Variants in CTNS observed in about 807,000 individuals in gnomAD.
CTNS encodes cystinosin, lysosomal cystine transporter.
CTNS carries 27 observed loss-of-function variants against 43.7 expected under a neutral mutation model. That is an observed-to-expected ratio of 0.62 (90% CI 0.46 to 0.85). CTNS has a LOEUF of 0.85. Ranked by LOEUF, CTNS falls within the 40% of genes least tolerant of loss-of-function variation. The pLI is 0.00. For synonymous variants in CTNS, 187 were observed against 190.6 expected, an observed-to-expected ratio of 0.98 and a Z score of 0.16; for missense variants, 457 against 475.4, an observed-to-expected ratio of 0.96 and a Z score of 0.36.
At chr17:3,656,945 G>A (rs1374854705) in intron 9 of CTNS, 150 bp downstream of exon 9, 10 of 1,293,112 alleles carry the variant, frequency 7.7e-6, no homozygotes, top group East Asian at 2.5e-5. Flanking sequence ...ACACCCATGA[G>A]TCCAGGCCCT....
At position 3,639,265 on chromosome 17, in the gene CTNS, A is replaced by C. The variant is rs1029188999; in HGVS notation, c.-19-923A>C. ...CCTGCTGTGTCTTGGGTTTACAGGA[A>C]TGCAGCTCCCCATCTTCCACACTAA... On this transcript the variant is annotated intron_variant, in intron 2 of 11. Coordinates refer to ENST00000046640, the MANE Select transcript of CTNS (RefSeq NM_004937.3). Among the ~76,000 whole-genome samples the C allele has an allele frequency of 2.0e-5, 3 of 152,138 alleles. No individual in the cohort carries two copies. In the South Asian group the frequency reaches 6.2e-4, roughly 32 times the overall value.
intron 3 of CTNS, among the ~76,000 whole-genome samples, chr17:3,641,357 T>TAC (rs1376663979): frequency 4.2e-5 from 1 of 23,570 alleles, no homozygotes; most frequent in African/African-American, 1.6e-4. Flanking sequence ...AAAAATCAGA[T>TAC]ACATATATAT....
At chr17:3,643,540 G>A (rs567330152) in intron 3 of CTNS, among the ~76,000 whole-genome samples, 22 of 152,142 alleles carry the variant, frequency 1.4e-4, no homozygotes, top group Non-Finnish European at 1.0e-4. Flanking sequence ...ACCAGCGTGA[G>A]CGACATAGTG....
At position 3,662,106 on chromosome 17, in the gene CTNS, T is replaced by A. The variant is rs2076286045; in HGVS notation, c.*1737T>A. ...CAGATGGATCACCTGACATCAGGAG[T>A]TCGAGACCAGCCTAGCCAACATTGC... is the stretch of plus-strand genomic sequence containing the variant. On this transcript the variant is annotated 3_prime_UTR_variant, in exon 12 of 12. Transcript: ENST00000046640. 6.6e-6 allele frequency among the ~76,000 whole-genome samples: 1 copy of A among 151,734 alleles called. No individual in the cohort carries two copies. The highest frequency in any genetic ancestry group is 1.5e-5 in the Non-Finnish European group (1 of 67,934).
chr17:3,655,186 C>A (rs1401330464), intron 6 of CTNS, 35 bp from the exon 7 acceptor site: 1 of 1,613,982 alleles, frequency 6.2e-7, no homozygotes, highest in Non-Finnish European at 8.5e-7. Context: ...AGAAGCCCAG[C>A]CTCAGCTCAT....
At chr17:3,651,033 C>T (rs2075969230) in intron 5 of CTNS, among the ~76,000 whole-genome samples, 1 of 151,676 alleles carries the variant, frequency 6.6e-6, no homozygotes. Flanking sequence ...GAACTCCTGA[C>T]CTGAGGTGAT....
intron 7 of CTNS, 170 bp downstream of exon 7, chr17:3,655,522 C>A: frequency 1.1e-6 from 1 of 923,326 alleles, no homozygotes; most frequent in Non-Finnish European, 1.6e-6. Flanking sequence ...GTCGGATTCC[C>A]GTGCTGGGCG....
intron 3 of CTNS, 42 bp downstream of exon 3, chr17:3,640,309 T>G: frequency 6.3e-7 from 1 of 1,574,820 alleles, no homozygotes; most frequent in Non-Finnish European, 8.7e-7. Context: ...AAGAGGGAAA[T>G]GGTGGCTAGA....
At chr17:3,647,956 C>T (rs2075884231) in intron 4 of CTNS, among the ~76,000 whole-genome samples, 1 of 152,212 alleles carries the variant, frequency 6.6e-6, no homozygotes, top group African/African-American at 2.4e-5. Flanking sequence ...GAATGCCGCT[C>T]ATGCTGGGCC....
chr17:3,654,943 C>A, intron 5 of CTNS, 55 bp from the exon 6 acceptor site: 2 of 1,263,364 alleles, frequency 1.6e-6, no homozygotes, highest in Non-Finnish European at 2.3e-6. Flanking sequence ...TAGATGCCAG[C>A]GGGGTCCTCG....
At chr17:3,650,206 T>A in intron 5 of CTNS, 1 of 1,550,484 alleles carries the variant, frequency 6.4e-7, no homozygotes, top group Non-Finnish European at 8.7e-7. Flanking sequence ...AATGCAGGGA[T>A]GAGATCAGTA....
intron 10 of CTNS, 40 bp from the exon 11 acceptor site, chr17:3,659,818 C>A (rs1453122294): frequency 6.6e-7 from 1 of 1,518,580 alleles, no homozygotes; most frequent in Non-Finnish European, 9.1e-7. Flanking sequence ...CCGCCCAGCC[C>A]TCACCGCCCT....
intron 5 of CTNS, 95 bp from the exon 6 acceptor site, chr17:3,654,903 C>G: frequency 1.1e-6 from 1 of 896,620 alleles, no homozygotes. Context: ...GGTGGTGCGT[C>G]CCTCCGTTCC....
rs764961967 is a variant in CTNS at position 3,650,023 on chromosome 17, C to T, written c.225+1092C>T. 1.7e-3 allele frequency: 2,139 copies of T among 1,244,344 alleles called. 3 individuals are homozygous for T. Among genetic ancestry groups the T allele is most frequent in the Non-Finnish European group, 2.2e-3 (2,015 of 911,226 alleles). 77.1% of individuals were successfully genotyped at this position (1,244,344 alleles called of 1,614,324 possible). A position where few individuals can be genotyped will look rare whatever the true frequency, so the allele number is the denominator to read the frequency against. On this transcript the variant is annotated intron_variant, in intron 5 of 11. Transcript: ENST00000046640. ...ACCTATAGTCCTAGCTACTCACGTT[C>T]GTAACAACAACAAAAAAAAGATAAG...
intron 5 of CTNS, chr17:3,650,166 T>C (rs1294403382): frequency 6.5e-7 from 1 of 1,550,024 alleles, no homozygotes; most frequent in East Asian, 2.4e-5. Context: ...AATGATACCT[T>C]AATAAAGCTG....
At position 3,656,589 on chromosome 17, in the gene CTNS, A is replaced by G. The variant is rs778640058; in HGVS notation, c.561+3A>G. The G allele has an allele frequency of 6.2e-6, 10 of 1,611,298 alleles. No homozygotes were observed. In the East Asian group the frequency reaches 2.2e-4, roughly 36 times the overall value. ...TCCTCTGGGTGCCCTACATCAAGGTACGGCCTTGCCTGCCCTACATCTCTG... is the reference window on the plus strand; with the variant it reads ...TCCTCTGGGTGCCCTACATCAAGGTGCGGCCTTGCCTGCCCTACATCTCTG... On this transcript the variant is annotated splice_donor_region_variant and intron_variant, in intron 8 of 11. Transcript: ENST00000046640.
chr17:3,660,484 CG>C lies in CTNS; in HGVS notation c.*117del, dbSNP rs1376130274. 7 of 1,612,524 alleles carry C rather than the reference CG, an allele frequency of 4.3e-6. No individual in the cohort carries two copies. Among genetic ancestry groups the C allele is most frequent in the Non-Finnish European group, 5.9e-6 (7 of 1,179,974 alleles). ...TGGCACACAGGGCTGGCTCAGTGTGCGGACAGAGGAGACCACTCTGCTCCTG... is the reference window on the plus strand; with the variant it reads ...TGGCACACAGGGCTGGCTCAGTGTGCGACAGAGGAGACCACTCTGCTCCTG... On this transcript the variant is annotated 3_prime_UTR_variant, in exon 12 of 12. Transcript: ENST00000046640.
chr17:3,656,511 C>A lies in CTNS; in HGVS notation c.486C>A (p.Phe162Leu). The change falls in exon 8 of 12, where the codon TTC becomes TTA. Residue 162 changes from phenylalanine to leucine, a missense_variant. By Grantham distance (22) the Phe-to-Leu change is conservative. Coordinates refer to ENST00000046640, the MANE Select transcript of CTNS (RefSeq NM_004937.3). ...RKSVIGLSFDFVALNLTGFVA... is the reference protein window; with the variant it reads ...RKSVIGLSFDLVALNLTGFVA... ...GTGTCATTGGTCTGAGCTTCGACTT[C>A]GTGGCTCTGAACCTGACGGGCTTCG... 2 of 1,602,812 alleles carry A rather than the reference C, an allele frequency of 1.2e-6. No homozygotes were observed. The highest frequency in any genetic ancestry group is 1.7e-6 in the Non-Finnish European group (2 of 1,177,476).
intron 3 of CTNS, 105 bp from the exon 4 acceptor site, chr17:3,647,339 G>A (rs1356488182): frequency 9.5e-6 from 9 of 944,052 alleles, no homozygotes; most frequent in Non-Finnish European, 1.6e-5. Flanking sequence ...GCTCGTCAGA[G>A]AGTCAGAGCT....
Sources: gnomAD v4.1 joint callset for allele counts (sites outside exome capture counted in the v4.1 genomes callset) on GRCh38, gnomAD v4.1.1 for gene constraint, MANE v1.5 for transcripts, NCBI Gene and HGNC (gene_info 2026-07-23, HGNC 2026-07-21) for gene names.